Variants in STK32B observed in about 807,000 individuals in gnomAD.
STK32B encodes the protein serine/threonine-protein kinase 32B.
A neutral mutation model predicts 52.6 loss-of-function variants in STK32B; 43 were observed. That is an observed-to-expected ratio of 0.82 (90% CI 0.64 to 1.05). The LOEUF is 1.05. Among genes scored for constraint, STK32B ranks in the 50% least tolerant of loss-of-function variants. The pLI is 0.00. For synonymous variants in STK32B, 238 were observed against 204.3 expected (o/e 1.17, Z -1.41); for missense variants, 621 against 534.6 (o/e 1.16, Z -1.59).
chr4:5,487,153 G>T (rs572224578), intron 11 of STK32B, among the ~76,000 whole-genome samples: 112 of 152,316 alleles, frequency 7.4e-4, no homozygotes, highest in African/African-American at 2.7e-3. Flanking sequence ...TGTCCCAGTT[G>T]TCTCTGTCCC....
At chr4:5,462,723 G>C (rs73212741) in intron 9 of STK32B, among the ~76,000 whole-genome samples, 55,318 of 151,958 alleles carry the variant, frequency 0.36, 10,945 homozygotes, top group Non-Finnish European at 0.43. Flanking sequence ...ATGGGGGACT[G>C]TCCTTTGCCT....
rs111684214 is a variant in STK32B at position 5,389,171 on chromosome 4, A to G, written c.435-9036A>G. Among the ~76,000 whole-genome samples, 675 of 152,316 alleles carry G rather than the reference A, an allele frequency of 4.4e-3. 5 individuals are homozygous for G. The highest frequency in any genetic ancestry group is 0.016 in the African/African-American group (648 of 41,574). ...TTAAAAAATTGTTTCCATGCCTTCAAATTAAGTCACGGATCTCTAACTGGT... is the reference window on the plus strand; with the variant it reads ...TTAAAAAATTGTTTCCATGCCTTCAGATTAAGTCACGGATCTCTAACTGGT... On this transcript the variant is annotated intron_variant, in intron 4 of 11. Coordinates refer to ENST00000282908, the MANE Select transcript of STK32B (RefSeq NM_018401.3).
intron 4 of STK32B, among the ~76,000 whole-genome samples, chr4:5,339,150 G>A (rs777953204): frequency 3.9e-4 from 59 of 152,006 alleles, no homozygotes; most frequent in African/African-American, 4.1e-4. Flanking sequence ...TTACACTAAC[G>A]GCCTCCAATT....
chr4:5,365,126 T>G (rs2109003897), intron 4 of STK32B, among the ~76,000 whole-genome samples: 1 of 152,168 alleles, frequency 6.6e-6, no homozygotes, highest in Non-Finnish European at 1.5e-5. Flanking sequence ...TCCACCCACC[T>G]CGGCCCCCCC....
chr4:5,220,110 G>A (rs1447610102), intron 3 of STK32B, among the ~76,000 whole-genome samples: 1 of 152,138 alleles, frequency 6.6e-6, no homozygotes, highest in African/African-American at 2.4e-5. Context: ...AAGGATTTGA[G>A]GGATCCCTAA....
At chr4:5,138,607 A>G (rs1277114508) in intron 1 of STK32B, among the ~76,000 whole-genome samples, 1 of 152,206 alleles carries the variant, frequency 6.6e-6, no homozygotes, top group African/African-American at 2.4e-5. Context: ...AGGGTACAAC[A>G]GAAAAAAATA....
intron 3 of STK32B, among the ~76,000 whole-genome samples, chr4:5,249,674 C>T (rs1240990272): frequency 6.6e-6 from 1 of 152,034 alleles, no homozygotes; most frequent in Non-Finnish European, 1.5e-5. Context: ...TTCCTTGATC[C>T]AGATATCAAA....
chr4:5,131,525 C>T (rs1395113774), intron 1 of STK32B, among the ~76,000 whole-genome samples: 3 of 152,194 alleles, frequency 2.0e-5, no homozygotes, highest in Admixed American at 2.0e-4. Context: ...TTACCCCAGC[C>T]TGTGAAGCCC....
chr4:5,168,470 G>A lies in STK32B; in HGVS notation c.260+20G>A, dbSNP rs749960391. On this transcript the variant is annotated intron_variant, in intron 3 of 11. Coordinates refer to ENST00000282908, the MANE Select transcript of STK32B (RefSeq NM_018401.3). ...TCTGTGGTGAGTGTGGCTCCATCCA[G>A]GGCTCCTGTGGGTTCCCCTGTGGGG... 3.7e-6 allele frequency: 6 copies of A among 1,601,550 alleles called. No homozygotes were observed. Among genetic ancestry groups the A allele is most frequent in the Non-Finnish European group, 5.1e-6 (6 of 1,172,758 alleles).
chr4:5,494,864 G>T (rs1010812079), intron 11 of STK32B, among the ~76,000 whole-genome samples: 2 of 152,118 alleles, frequency 1.3e-5, no homozygotes, highest in African/African-American at 2.4e-5. Flanking sequence ...TGAAATTCTG[G>T]GTTGAAAATT....
intron 1 of STK32B, among the ~76,000 whole-genome samples, chr4:5,118,214 C>A (rs1485238952): frequency 6.6e-6 from 1 of 152,118 alleles, no homozygotes; most frequent in Non-Finnish European, 1.5e-5. Flanking sequence ...GGAATTTTTT[C>A]TTCCTGATTC....
chr4:5,356,895 G>A (rs1443489053), intron 4 of STK32B, among the ~76,000 whole-genome samples: 1 of 152,130 alleles, frequency 6.6e-6, no homozygotes, highest in Non-Finnish European at 1.5e-5. Flanking sequence ...CTACTCAGGA[G>A]GCTGAGGCAG....
At chr4:5,117,101 C>G (rs79126081) in intron 1 of STK32B, among the ~76,000 whole-genome samples, 198 of 152,242 alleles carry the variant, frequency 1.3e-3, no homozygotes, top group African/African-American at 4.6e-3. Context: ...GAGACAGTTT[C>G]ATAACTTCCT....
chr4:5,148,159 C>G (rs1717062113), intron 2 of STK32B, among the ~76,000 whole-genome samples: 1 of 151,730 alleles, frequency 6.6e-6, no homozygotes, highest in Non-Finnish European at 1.5e-5. Flanking sequence ...TCAATTTTCT[C>G]TATGTTGGCA....
chr4:5,495,192 C>T (rs1341337684), intron 11 of STK32B, among the ~76,000 whole-genome samples: 1 of 152,182 alleles, frequency 6.6e-6, no homozygotes, highest in Non-Finnish European at 1.5e-5. Flanking sequence ...GTTCCGTTTT[C>T]CCTGTCACTT....
chr4:5,417,722 A>G (rs1029526745), intron 6 of STK32B, among the ~76,000 whole-genome samples: 14 of 152,170 alleles, frequency 9.2e-5, no homozygotes, highest in Admixed American at 3.3e-4. Flanking sequence ...CTGAATGTCT[A>G]TATTGTTATC....
chr4:5,284,765 C>G (rs1280394791), intron 3 of STK32B, among the ~76,000 whole-genome samples: 1 of 152,176 alleles, frequency 6.6e-6, no homozygotes. Flanking sequence ...TCCACGTGAG[C>G]AGCTCATCTT....
intron 3 of STK32B, among the ~76,000 whole-genome samples, chr4:5,324,157 C>T (rs533054704): frequency 7.2e-5 from 11 of 152,174 alleles, no homozygotes; most frequent in Non-Finnish European, 1.3e-4. Context: ...AGTTCAAGAC[C>T]AGTCTGGCCA....
chr4:5,334,030 T>G (rs1331214994), intron 4 of STK32B, among the ~76,000 whole-genome samples: 3 of 152,178 alleles, frequency 2.0e-5, no homozygotes, highest in African/African-American at 7.2e-5. Context: ...ATTGGTAGCT[T>G]GATGGGGATG....
Sources: allele counts gnomAD v4.1 joint callset (sites outside exome capture counted in the v4.1 genomes callset), GRCh38; gene constraint gnomAD v4.1.1; transcripts MANE v1.5; gene names NCBI Gene and HGNC (gene_info 2026-07-23, HGNC 2026-07-21).